LMO2: variants seen among roughly 807,000 people sequenced by gnomAD.
LMO2 encodes LIM domain only 2.
In LMO2, 20 loss-of-function variants were observed where a neutral mutation model predicts 23.2. The observed-to-expected ratio is 0.86, with a 90% CI of 0.61 to 1.25. The LOEUF (loss-of-function observed/expected upper bound fraction) is 1.25. Among genes scored for constraint, LMO2 ranks in the 50% most tolerant of loss-of-function variants. The probability of loss-of-function intolerance (pLI) is 0.00; values close to 1 mark genes in which losing one functional copy is unlikely to be tolerated. For synonymous variants in LMO2, 123 were observed against 130.2 expected (o/e 0.94, Z 0.38); for missense variants, 270 against 315.3 (o/e 0.86, Z 1.09).
Position 33,858,770 on chromosome 11 carries a change from A to G in LMO2, c.*586T>C, listed in dbSNP as rs568170302. On this transcript the variant is annotated 3_prime_UTR_variant, in exon 6 of 6. Coordinates refer to ENST00000257818, the MANE Select transcript of LMO2 (RefSeq NM_005574.4). ...CAGTGATTCATCAGCATTGCTTTAA[A>G]TAATTGTTTGGTTAAAAGTTGTGGT... is the stretch of plus-strand genomic sequence containing the variant. 1.4e-5 allele frequency: 3 copies of G among 218,894 alleles called. No homozygotes were observed. Among genetic ancestry groups the G allele is most frequent in the South Asian group, 1.8e-4 (1 of 5,454 alleles). 13.6% of individuals were successfully genotyped at this position (218,894 alleles called of 1,614,324 possible).
chr11:33,860,719 G>A (rs998321012), intron 5 of LMO2, among the ~76,000 whole-genome samples: 3 of 152,062 alleles, frequency 2.0e-5, no homozygotes, highest in African/African-American at 7.2e-5. Context: ...GCAGTGAGCC[G>A]AGATCATGCC....
intron 1 of LMO2, among the ~76,000 whole-genome samples, chr11:33,882,312 GT>G: frequency 6.6e-6 from 1 of 152,326 alleles, no homozygotes; most frequent in Non-Finnish European, 1.5e-5. Flanking sequence ...ATCTGCAACT[GT>G]TTGTGTCTCA....
At chr11:33,873,581 G>A (rs1041344961) in intron 2 of LMO2, among the ~76,000 whole-genome samples, 6 of 152,232 alleles carry the variant, frequency 3.9e-5, no homozygotes, top group Admixed American at 2.6e-4. Context: ...ACTATGAGGT[G>A]ATTGGGACAT....
chr11:33,879,628 A>G (rs1332115199), intron 2 of LMO2, among the ~76,000 whole-genome samples: 1 of 152,012 alleles, frequency 6.6e-6, no homozygotes, highest in Non-Finnish European at 1.5e-5. Flanking sequence ...CACGCTTCCA[A>G]CCTGGGCGAC....
At chr11:33,877,401 C>T (rs1248507139) in intron 2 of LMO2, among the ~76,000 whole-genome samples, 1 of 150,300 alleles carries the variant, frequency 6.7e-6, no homozygotes, top group Non-Finnish European at 1.5e-5. Context: ...CTGAGCCTGG[C>T]AGGGGAAGGT....
intron 5 of LMO2, among the ~76,000 whole-genome samples, chr11:33,863,533 A>T (rs1251188038): frequency 6.6e-6 from 1 of 152,224 alleles, no homozygotes; most frequent in Admixed American, 6.5e-5. Flanking sequence ...GTCCTGGTGT[A>T]TCAGGGAAGC....
intron 2 of LMO2, among the ~76,000 whole-genome samples, chr11:33,877,149 A>G (rs993484863): frequency 7.9e-5 from 12 of 152,206 alleles, no homozygotes; most frequent in Non-Finnish European, 2.9e-5. Flanking sequence ...CTCTCCTGGT[A>G]TGGTGGCCTC....
chr11:33,870,606 G>A, intron 2 of LMO2: 1 of 984,498 alleles, frequency 1.0e-6, no homozygotes, highest in South Asian at 4.7e-5. Flanking sequence ...CCAGAGGGAG[G>A]GTGGCTGGGA....
chr11:33,866,623 C>CA (rs1252975126), intron 4 of LMO2, among the ~76,000 whole-genome samples: 1 of 151,964 alleles, frequency 6.6e-6, no homozygotes, highest in Admixed American at 6.5e-5. Flanking sequence ...GACCCTAGCT[C>CA]AAAAAAATTC....
In LMO2 at chr11:33,880,198, A is replaced by ACACATGATATATATATCATATATG. The variant is rs1857236029; in HGVS notation, c.-272+1625_-272+1626insCATATATGATATATATATCATGTG. Among the ~76,000 whole-genome samples the ACACATGATATATATATCATATATG allele has an allele frequency of 3.4e-5, 5 of 148,924 alleles. 1 individual carries two copies. The highest frequency in any genetic ancestry group is 6.8e-5 in the Admixed American group (1 of 14,792). On this transcript the variant is annotated intron_variant, in intron 2 of 5. Transcript: ENST00000257818. This position sits in a 1 kb window ranked among gnomAD's most constrained non-coding sequence, Gnocchi z 4.3. ...TACACATGATATATATATCATATAT[A>ACACATGATATATATATCATATATG]CACATGATATATATATCATATATAC...
At chr11:33,870,955 G>C (rs1857004430) in intron 2 of LMO2, 1 of 597,534 alleles carries the variant, frequency 1.7e-6, no homozygotes, top group Non-Finnish European at 2.1e-6. Flanking sequence ...CTGGGCCTCA[G>C]AGTTCCTTGA....
rs965827084 is a variant in LMO2 at position 33,869,928 on chromosome 11, C to T, written c.-212G>A. On this transcript the variant is annotated 5_prime_UTR_variant, in exon 3 of 6. Coordinates refer to ENST00000257818, the MANE Select transcript of LMO2 (RefSeq NM_005574.4). Reference sequence around the variant, plus strand: ...TGCGTCTCTCTCCGGGCTTCCTCCTCTCTCGGGAAGGTCTATTTTCGCTCA... The same window carrying T: ...TGCGTCTCTCTCCGGGCTTCCTCCTTTCTCGGGAAGGTCTATTTTCGCTCA... 2.8e-4 allele frequency: 298 copies of T among 1,050,034 alleles called. 2 individuals carry two copies. Among genetic ancestry groups the T allele is most frequent in the Middle Eastern group, 4.4e-4 (1 of 2,286 alleles). The allele number at this position is 1,050,034 out of a possible 1,614,324, so 65.0% of individuals were successfully genotyped here.
intron 5 of LMO2, among the ~76,000 whole-genome samples, chr11:33,861,348 A>G (rs1447976311): frequency 6.6e-6 from 1 of 152,098 alleles, no homozygotes; most frequent in Non-Finnish European, 1.5e-5. Context: ...GTTGTAGGGG[A>G]CCTAAGGGCA....
chr11:33,865,447 C>T (rs1033414034), intron 4 of LMO2, among the ~76,000 whole-genome samples: 3 of 152,230 alleles, frequency 2.0e-5, no homozygotes, highest in Non-Finnish European at 4.4e-5. Context: ...AATAGGAATT[C>T]TCCTAATTTT....
At chr11:33,884,016 A>G (rs764857677) in intron 1 of LMO2, among the ~76,000 whole-genome samples, 2 of 152,174 alleles carry the variant, frequency 1.3e-5, no homozygotes, top group Non-Finnish European at 2.9e-5. Flanking sequence ...ACAATATTCC[A>G]GTGAAAGGAA....
rs140664551 is a variant in LMO2, at chr11:33,859,464, G to A, written c.576C>T (p.Ala192=). Residue 192 remains alanine (A), a synonymous_variant, in exon 6 of 6, where the codon GCC becomes GCT. Transcript: ENST00000257818. ...KVYHLECFKC[A]ACQKHFCVGD... ...CTACACAGAAATGCTTCTGACAGGCGGCGCATTTGAAACATTCCAGGTGAT... is the reference window on the plus strand; with the variant it reads ...CTACACAGAAATGCTTCTGACAGGCAGCGCATTTGAAACATTCCAGGTGAT... 9.2e-5 allele frequency: 149 copies of A among 1,613,984 alleles called. No individual in the cohort carries two copies. In the Middle Eastern group the frequency reaches 1.2e-3, roughly 13 times the overall value.
intron 2 of LMO2, among the ~76,000 whole-genome samples, chr11:33,872,177 G>A (rs1340424769): frequency 6.6e-6 from 1 of 152,192 alleles, no homozygotes; most frequent in Non-Finnish European, 1.5e-5. Context: ...TGTAACCCCA[G>A]CTACTCGGGA....
At chr11:33,884,790 C>T (rs1857366892) in intron 1 of LMO2, among the ~76,000 whole-genome samples, 1 of 152,166 alleles carries the variant, frequency 6.6e-6, no homozygotes, top group African/African-American at 2.4e-5. Context: ...TACACTATGC[C>T]CTCTGAGAGC....
chr11:33,872,148 A>G (rs1398273955), intron 2 of LMO2, among the ~76,000 whole-genome samples: 1 of 152,096 alleles, frequency 6.6e-6, no homozygotes, highest in African/African-American at 2.4e-5. Context: ...AAAATTAGCC[A>G]GGTGTGGTGG....
Sources: gnomAD v4.1 joint callset for allele counts (sites outside exome capture counted in the v4.1 genomes callset) on GRCh38, gnomAD v4.1.1 for gene constraint, Gnocchi (gnomAD v3.1) non-coding constraint, MANE v1.5 for transcripts, NCBI Gene and HGNC (gene_info 2026-07-23, HGNC 2026-07-21) for gene names.